The following ANKFN1 variants were observed in gnomAD, a reference collection of about 807,000 sequenced individuals.
ANKFN1 encodes ankyrin repeat and fibronectin type-III domain-containing protein 1.
In ANKFN1, 74 loss-of-function variants were observed where a neutral mutation model predicts 108.7. That is an observed-to-expected ratio of 0.68 (90% CI 0.56 to 0.83). The LOEUF is 0.83. ANKFN1 is among the 40% of genes least tolerant of loss of function. The pLI is 0.00. For synonymous variants in ANKFN1, 547 were observed against 516.2 expected, an observed-to-expected ratio of 1.06 and a Z score of -0.81; for missense variants, 1,505 against 1,382.3, an observed-to-expected ratio of 1.09 and a Z score of -1.41.
At chr17:56,358,804 C>T (rs1448995849) in intron 6 of ANKFN1, among the ~76,000 whole-genome samples, 2 of 152,098 alleles carry the variant, frequency 1.3e-5, no homozygotes, top group Admixed American at 6.6e-5. Flanking sequence ...GGATCCCAGT[C>T]GCTATGACTC....
intron 8 of ANKFN1, among the ~76,000 whole-genome samples, chr17:56,427,617 G>A (rs1185259794): frequency 1.3e-5 from 2 of 151,996 alleles, no homozygotes; most frequent in African/African-American, 2.4e-5. Flanking sequence ...TGGCCCCTGG[G>A]GAAAGGGGAC....
At chr17:56,095,878 G>A (rs1428915977) in intron 4 of ANKFN1, among the ~76,000 whole-genome samples, 1 of 152,138 alleles carries the variant, frequency 6.6e-6, no homozygotes, top group Non-Finnish European at 1.5e-5. Context: ...AGAAGTCCTT[G>A]GACCAGAGTG....
chr17:56,431,409 G>A (rs2048750027), intron 8 of ANKFN1, among the ~76,000 whole-genome samples: 1 of 152,162 alleles, frequency 6.6e-6, no homozygotes, highest in Admixed American at 6.5e-5. Context: ...GGTAAATGCA[G>A]GGAATAATAT....
At chr17:56,291,267 T>A (rs1055650482) in intron 3 of ANKFN1, among the ~76,000 whole-genome samples, 15 of 152,186 alleles carry the variant, frequency 9.9e-5, no homozygotes, top group African/African-American at 3.6e-4. Flanking sequence ...CTAAATTCCT[T>A]GTCTGGGATG....
intron 5 of ANKFN1, 53 bp downstream of exon 5, chr17:56,351,020 G>C: frequency 6.4e-7 from 1 of 1,557,358 alleles, no homozygotes. Context: ...ATTTATGTTT[G>C]GGTTTAAGGA....
chr17:56,467,796 A>G lies in ANKFN1; in HGVS notation c.1773+1225A>G, dbSNP rs1205378568. On this transcript the variant is annotated intron_variant, in intron 15 of 20. Transcript: ENST00000682825. ...GAAAGAAAGAAAGAAAGAAAGAAGA[A>G]AGAAAGAAAGAAAGAAAGAAAGAAA... Among the ~76,000 whole-genome samples, 79 of 18,174 alleles carry G rather than the reference A, an allele frequency of 4.3e-3. 1 individual carries two copies. Among genetic ancestry groups the G allele is most frequent in the African/African-American group, 0.016 (78 of 4,762 alleles). The allele number at this position is 18,174 out of a possible 152,430, so 11.9% of individuals were successfully genotyped here.
intron 8 of ANKFN1, among the ~76,000 whole-genome samples, chr17:56,389,761 TAAG>T (rs2047375788): frequency 6.6e-6 from 1 of 152,236 alleles, no homozygotes; most frequent in Admixed American, 6.5e-5. Context: ...CATGGAGTAA[TAAG>T]AAGTTTTTGG....
At chr17:56,489,911 C>T (rs2050979869) in intron 18 of ANKFN1, among the ~76,000 whole-genome samples, 2 of 152,042 alleles carry the variant, frequency 1.3e-5, no homozygotes, top group African/African-American at 4.8e-5. Context: ...AGATTCCTTC[C>T]TGTGGAGCTG....
In ANKFN1 at chr17:56,456,944, G is replaced by A. The variant is rs780211196; in HGVS notation, c.1291G>A (p.Val431Met). Residue 431 changes from valine to methionine, a missense_variant, in exon 12 of 21, where the codon GTG (valine) becomes ATG (methionine). Transcript: ENST00000682825. ...KHLFHSSNKF[V>M]KTLKRGLYIA... is the part of the protein sequence containing the mutation. ...CCTGTTCCATTCCTCGAACAAGTTT[G>A]TGAAGACCTTAAAACGGTGGGTTCT... 1.9e-6 allele frequency: 3 copies of A among 1,613,848 alleles called. No homozygotes were observed. Among genetic ancestry groups the A allele is most frequent in the Non-Finnish European group, 2.5e-6 (3 of 1,179,732 alleles).
intron 4 of ANKFN1, among the ~76,000 whole-genome samples, chr17:56,133,452 G>A (rs1442005047): frequency 3.3e-5 from 5 of 151,882 alleles, no homozygotes; most frequent in African/African-American, 1.2e-4. Context: ...CTGATGTGCT[G>A]AAAAATGACA....
Position 56,067,187 on chromosome 17 carries a change from TA to T in ANKFN1, c.288+20872del, listed in dbSNP as rs113736302. Among the ~76,000 whole-genome samples the T allele has an allele frequency of 2.8e-4, 42 of 148,680 alleles. No individual in the cohort carries two copies. The East Asian group carries it at 3.0e-3, about 10-fold the overall frequency. On this transcript the variant is annotated intron_variant, in intron 4 of 12. Coordinates refer to the ANKFN1 transcript ENST00000635860. ...CTGGGCAACAGAGTGAGACTCCATC[TA>T]AAAAAAAAAGTTTCCTTCCTTTGTA... is the stretch of plus-strand genomic sequence containing the variant.
intron 8 of ANKFN1, among the ~76,000 whole-genome samples, chr17:56,404,170 CA>C (rs2047847713): frequency 2.0e-5 from 3 of 152,032 alleles, no homozygotes; most frequent in Admixed American, 1.3e-4. Context: ...ATGAATTTCC[CA>C]GGTGTTCTTT....
At chr17:56,239,681 G>A (rs890631160) in intron 3 of ANKFN1, among the ~76,000 whole-genome samples, 7 of 152,014 alleles carry the variant, frequency 4.6e-5, no homozygotes, top group Non-Finnish European at 7.4e-5. Flanking sequence ...AGGCATCAAG[G>A]ATTAGACATT....
chr17:56,381,785 G>C (rs1284340872), intron 8 of ANKFN1, among the ~76,000 whole-genome samples: 1 of 152,220 alleles, frequency 6.6e-6, no homozygotes, highest in African/African-American at 2.4e-5. Context: ...ATGGGACTAT[G>C]TGAAAAGACC....
chr17:56,458,381 T>A (rs2049784810), intron 14 of ANKFN1, among the ~76,000 whole-genome samples: 1 of 152,086 alleles, frequency 6.6e-6, no homozygotes, highest in Admixed American at 6.6e-5. Context: ...TATGCATTAA[T>A]GAGTATATGA....
At chr17:56,162,196 A>G (rs1338840725) in intron 1 of ANKFN1, among the ~76,000 whole-genome samples, 1 of 152,164 alleles carries the variant, frequency 6.6e-6, no homozygotes, top group East Asian at 1.9e-4. Context: ...CTGTAACCAA[A>G]TTTAAAATGT....
chr17:56,118,937 C>T (rs1436195163), intron 4 of ANKFN1, among the ~76,000 whole-genome samples: 1 of 151,988 alleles, frequency 6.6e-6, no homozygotes, highest in Non-Finnish European at 1.5e-5. Flanking sequence ...AAGTGATGCA[C>T]AAAAAGGTTT....
chr17:56,344,075 G>T (rs2046032455), intron 4 of ANKFN1, among the ~76,000 whole-genome samples: 1 of 151,840 alleles, frequency 6.6e-6, no homozygotes, highest in South Asian at 2.1e-4. Flanking sequence ...GGCTTCTGCA[G>T]GAATCATTTC....
At chr17:56,185,336 A>G (rs757581418) in intron 1 of ANKFN1, among the ~76,000 whole-genome samples, 1 of 152,214 alleles carries the variant, frequency 6.6e-6, no homozygotes, top group Non-Finnish European at 1.5e-5. Flanking sequence ...TGGAAAAGAA[A>G]TGGAGAAATA....
Sources: allele counts gnomAD v4.1 joint callset (sites outside exome capture counted in the v4.1 genomes callset), GRCh38; gene constraint gnomAD v4.1.1; transcripts MANE v1.5; gene names NCBI Gene and HGNC (gene_info 2026-07-23, HGNC 2026-07-21).